Variants in CNTN4 observed in about 807,000 individuals in gnomAD.
CNTN4 encodes contactin 4.
In CNTN4, 77 loss-of-function variants were observed where a neutral mutation model predicts 122.5. The observed-to-expected ratio is 0.63, with a 90% CI of 0.52 to 0.76. CNTN4 has a LOEUF of 0.76. CNTN4 is among the 30% of genes least tolerant of loss of function. CNTN4 has a pLI of 0.00. For synonymous variants in CNTN4, 512 were observed against 447.0 expected (o/e 1.15, Z -1.83); for missense variants, 1,256 against 1,259.1 (o/e 1.00, Z 0.04).
chr3:2,594,081 G>A (rs779581358), intron 4 of CNTN4, among the ~76,000 whole-genome samples: 9 of 152,082 alleles, frequency 5.9e-5, no homozygotes, highest in South Asian at 2.1e-4. Context: ...ATCTATTGGC[G>A]TATATTCAAG....
intron 2 of CNTN4, among the ~76,000 whole-genome samples, chr3:2,272,991 G>T (rs2041362014): frequency 6.6e-6 from 1 of 151,994 alleles, no homozygotes; most frequent in Admixed American, 6.6e-5. Context: ...GGTAGGCATG[G>T]GAATTATCTT....
At chr3:3,048,239 A>C (rs1267420967) in intron 23 of CNTN4, among the ~76,000 whole-genome samples, 3 of 150,638 alleles carry the variant, frequency 2.0e-5, no homozygotes, top group Admixed American at 2.0e-4. Context: ...AGGAAAAAAA[A>C]CACACAAAAA....
At chr3:2,371,066 A>G (rs765541679) in intron 3 of CNTN4, among the ~76,000 whole-genome samples, 12 of 152,298 alleles carry the variant, frequency 7.9e-5, no homozygotes, top group Non-Finnish European at 1.6e-4. Flanking sequence ...ATAATTTGAG[A>G]TGGAAGTGGG....
intron 12 of CNTN4, among the ~76,000 whole-genome samples, chr3:2,925,280 G>C (rs2094462845): frequency 6.6e-6 from 1 of 152,210 alleles, no homozygotes; most frequent in Non-Finnish European, 1.5e-5. Context: ...AAGATGCTGG[G>C]TGTGGTGGCT....
chr3:2,964,271 C>A (rs1023607138), intron 13 of CNTN4, among the ~76,000 whole-genome samples: 11 of 152,254 alleles, frequency 7.2e-5, no homozygotes, highest in African/African-American at 2.6e-4. Flanking sequence ...AAATTTTTAG[C>A]CACCACTGAG....
chr3:2,132,377 A>G (rs1263860738), intron 2 of CNTN4: 1 of 152,250 alleles, frequency 6.6e-6, no homozygotes, highest in African/African-American at 2.4e-5. Flanking sequence ...ACGAGGGGCA[A>G]TAATCCACGG....
intron 2 of CNTN4, among the ~76,000 whole-genome samples, chr3:2,113,140 T>C (rs1017068124): frequency 1.3e-5 from 2 of 152,216 alleles, no homozygotes; most frequent in African/African-American, 4.8e-5. Context: ...CTGCTCTCAA[T>C]TGCCTGAATT....
chr3:2,707,995 A>G (rs533961178), intron 4 of CNTN4, among the ~76,000 whole-genome samples: 1 of 152,302 alleles, frequency 6.6e-6, no homozygotes, highest in South Asian at 2.1e-4. Flanking sequence ...TATATGGTAG[A>G]ATTTTAAAAA....
chr3:2,267,076 A>G (rs968293693), intron 2 of CNTN4, among the ~76,000 whole-genome samples: 1 of 152,088 alleles, frequency 6.6e-6, no homozygotes, highest in Non-Finnish European at 1.5e-5. Context: ...CCTTTCAAAT[A>G]TGTAAAGAAC....
At chr3:2,191,930 C>G (rs1476796437) in intron 2 of CNTN4, among the ~76,000 whole-genome samples, 10 of 151,720 alleles carry the variant, frequency 6.6e-5, no homozygotes. Context: ...CTTCCTGTGT[C>G]CAAGTGTTCT....
intron 2 of CNTN4, among the ~76,000 whole-genome samples, chr3:2,109,443 T>C (rs545600060): frequency 6.6e-6 from 1 of 152,298 alleles, no homozygotes; most frequent in Non-Finnish European, 1.5e-5. Flanking sequence ...ATATCCTCTC[T>C]ACCTTTGGGC....
chr3:2,841,412 G>T lies in CNTN4; in HGVS notation c.454+21831G>T, dbSNP rs2093359802. ...CATCACAACTGAGAAAAGGTAATGTGGTACATTTACAAATAAAAGAGGATT... is the reference window on the plus strand; with the variant it reads ...CATCACAACTGAGAAAAGGTAATGTTGTACATTTACAAATAAAAGAGGATT... On this transcript the variant is annotated intron_variant, in intron 7 of 24. Coordinates refer to ENST00000418658, the MANE Select transcript of CNTN4 (RefSeq NM_175607.3). This position sits in a 1 kb window ranked among gnomAD's most constrained non-coding sequence, Gnocchi z 4.8. Among the ~76,000 whole-genome samples, 2 of 152,014 alleles carry T rather than the reference G, an allele frequency of 1.3e-5. No homozygotes were observed. Among genetic ancestry groups the T allele is most frequent in the Non-Finnish European group, 2.9e-5 (2 of 67,962 alleles).
chr3:2,810,790 T>C (rs1207999665), intron 6 of CNTN4, among the ~76,000 whole-genome samples: 1 of 152,242 alleles, frequency 6.6e-6, no homozygotes, highest in Admixed American at 6.5e-5. Flanking sequence ...AAGGTATTTA[T>C]GGTTTAAAAT....
At chr3:2,526,215 T>C (rs1243367202) in intron 3 of CNTN4, among the ~76,000 whole-genome samples, 1 of 152,080 alleles carries the variant, frequency 6.6e-6, no homozygotes, top group Non-Finnish European at 1.5e-5. Flanking sequence ...CCTTCTCATT[T>C]CTCTGTCTAG....
chr3:2,566,684 C>T (rs2149461817), intron 3 of CNTN4, among the ~76,000 whole-genome samples: 1 of 152,278 alleles, frequency 6.6e-6, no homozygotes, highest in South Asian at 2.1e-4. Context: ...GCCAGTGGAC[C>T]TTCACAGCAC....
At chr3:2,189,567 A>G (rs1431950306) in intron 2 of CNTN4, among the ~76,000 whole-genome samples, 4 of 152,178 alleles carry the variant, frequency 2.6e-5, no homozygotes, top group South Asian at 4.1e-4. Context: ...TGATACCCTG[A>G]GAGAGGAGTC....
In CNTN4 at chr3:2,206,775, C is replaced by G. The variant is rs2038364653; in HGVS notation, c.-145+106136C>G. Among the ~76,000 whole-genome samples, 2 of 151,802 alleles carry G rather than the reference C, an allele frequency of 1.3e-5. 1 individual carries two copies. The highest frequency in any genetic ancestry group is 6.9e-3 in the Middle Eastern group (2 of 290). ...TGGATACTGTGAAGGAATTTTCTTT[C>G]ATTTTTCACATTTAGTCTTTGTAAA... is the stretch of plus-strand genomic sequence containing the variant. On this transcript the variant is annotated intron_variant, in intron 2 of 24. Transcript: ENST00000418658.
intron 6 of CNTN4, among the ~76,000 whole-genome samples, chr3:2,788,144 A>G (rs1399233683): frequency 2.6e-5 from 4 of 152,174 alleles, no homozygotes; most frequent in African/African-American, 9.7e-5. Flanking sequence ...CATCATCATC[A>G]TAACAGAAAT....
At chr3:2,099,366 G>C (rs926293456) in intron 1 of CNTN4, 1 of 152,356 alleles carries the variant, frequency 6.6e-6, no homozygotes, top group Non-Finnish European at 1.5e-5. Context: ...CAGCTCCTCC[G>C]ACTGGTTCGG....
Sources: allele counts gnomAD v4.1 joint callset (sites outside exome capture counted in the v4.1 genomes callset), GRCh38; gene constraint gnomAD v4.1.1; non-coding constraint Gnocchi (gnomAD v3.1); transcripts MANE v1.5; gene names NCBI Gene and HGNC (gene_info 2026-07-23, HGNC 2026-07-21).